LPAR1: variants seen among roughly 807,000 people sequenced by gnomAD.
The protein encoded by LPAR1 is LPA receptor 1.
A neutral mutation model predicts 23.8 loss-of-function variants in LPAR1; 5 were observed. The observed-to-expected ratio is 0.21, with a 90% CI of 0.11 to 0.44. LPAR1 has a LOEUF of 0.44. Ranked by LOEUF, LPAR1 falls within the 20% of genes least tolerant of loss-of-function variation. LPAR1 has a pLI of 0.99. For missense variants in LPAR1, 311 were observed against 482.8 expected (o/e 0.64, Z 3.33); for synonymous variants, 160 against 164.7 (o/e 0.97, Z 0.22).
chr9:111,012,957 A>T (rs1431994910), intron 2 of LPAR1, among the ~76,000 whole-genome samples: 1 of 152,122 alleles, frequency 6.6e-6, no homozygotes, highest in South Asian at 2.1e-4. Flanking sequence ...TTAAAATTTT[A>T]ATTTTCAAAT....
At chr9:110,888,195 C>G (rs978635530) in intron 5 of LPAR1, among the ~76,000 whole-genome samples, 3 of 152,134 alleles carry the variant, frequency 2.0e-5, no homozygotes, top group Admixed American at 2.0e-4. Context: ...AATGTTTTGA[C>G]ATAGAGTCAA....
intron 5 of LPAR1, among the ~76,000 whole-genome samples, chr9:110,882,225 C>T (rs1327905288): frequency 6.6e-6 from 1 of 152,110 alleles, no homozygotes; most frequent in African/African-American, 2.4e-5. Flanking sequence ...ATTGTTTTAT[C>T]TTCCCTCAAC....
At chr9:111,002,409 C>T (rs891925241) in intron 2 of LPAR1, among the ~76,000 whole-genome samples, 24 of 152,128 alleles carry the variant, frequency 1.6e-4, no homozygotes, top group African/African-American at 4.6e-4. Context: ...CAGTAAATCA[C>T]GGTAATATGT....
At chr9:110,920,205 T>C (rs1471692764) in intron 5 of LPAR1, among the ~76,000 whole-genome samples, 1 of 152,168 alleles carries the variant, frequency 6.6e-6, no homozygotes, top group African/African-American at 2.4e-5. Flanking sequence ...AGCTCTAGCA[T>C]GGGTGGAAGG....
intron 4 of LPAR1, among the ~76,000 whole-genome samples, chr9:110,959,010 T>C (rs1386668170): frequency 6.9e-6 from 1 of 144,528 alleles, no homozygotes; most frequent in East Asian, 2.1e-4. Context: ...AAAACCACAA[T>C]AAGATATCAT....
intron 2 of LPAR1, among the ~76,000 whole-genome samples, chr9:111,010,943 G>T (rs2097319887): frequency 6.6e-6 from 1 of 152,176 alleles, no homozygotes; most frequent in South Asian, 2.1e-4. Context: ...TTGAAAAAGT[G>T]ATTCTGCAGT....
chr9:111,017,444 AT>A (rs1431238915), intron 2 of LPAR1, among the ~76,000 whole-genome samples: 1 of 152,168 alleles, frequency 6.6e-6, no homozygotes, highest in African/African-American at 2.4e-5. Context: ...AATGGGTGAA[AT>A]TGCAAATCTA....
intron 2 of LPAR1, among the ~76,000 whole-genome samples, chr9:111,029,806 T>C (rs2097764378): frequency 6.6e-6 from 1 of 151,926 alleles, no homozygotes. Flanking sequence ...AACCCAGCAC[T>C]TTGAGAGGCC....
At chr9:110,991,873 G>A (rs903478749) in intron 2 of LPAR1, among the ~76,000 whole-genome samples, 5 of 152,024 alleles carry the variant, frequency 3.3e-5, no homozygotes, top group South Asian at 2.1e-4. Context: ...GATTACAGGC[G>A]TGAGCCACCA....
intron 2 of LPAR1, among the ~76,000 whole-genome samples, chr9:110,978,795 G>A (rs181909043): frequency 5.3e-5 from 8 of 152,248 alleles, no homozygotes; most frequent in Admixed American, 3.9e-4. Context: ...TAGTAACATC[G>A]AGAAGAATAT....
intron 5 of LPAR1, among the ~76,000 whole-genome samples, chr9:110,877,959 C>T (rs1588096262): frequency 1.3e-5 from 2 of 152,170 alleles, no homozygotes; most frequent in Admixed American, 1.3e-4. Context: ...TAAGATCTTT[C>T]CAGAAAGAGC....
chr9:111,013,591 A>G (rs1019989117), intron 2 of LPAR1, among the ~76,000 whole-genome samples: 1 of 152,198 alleles, frequency 6.6e-6, no homozygotes, highest in Non-Finnish European at 1.5e-5. Context: ...AGAGGCTATA[A>G]CCTGTCAAAC....
chr9:110,934,342 T>C (rs1281761154), intron 5 of LPAR1: 3 of 152,082 alleles, frequency 2.0e-5, no homozygotes, highest in Non-Finnish European at 4.4e-5. Flanking sequence ...GGATCCTTTA[T>C]ACACTCGCCA....
At chr9:110,903,570 T>C (rs1029457850) in intron 5 of LPAR1, 4 of 151,762 alleles carry the variant, frequency 2.6e-5, no homozygotes, top group Non-Finnish European at 5.9e-5. Context: ...TGAGAACAGA[T>C]CAACAGAATT....
intron 4 of LPAR1, among the ~76,000 whole-genome samples, chr9:110,957,348 AAAAATAAT>A: frequency 7.0e-6 from 1 of 143,512 alleles, no homozygotes; most frequent in East Asian, 2.7e-4. Flanking sequence ...TCAAAAAAAA[AAAAATAAT>A]AATAATAATA....
intron 2 of LPAR1, among the ~76,000 whole-genome samples, chr9:111,005,007 A>G (rs2097188065): frequency 6.6e-6 from 1 of 152,012 alleles, no homozygotes; most frequent in Non-Finnish European, 1.5e-5. Flanking sequence ...CAAAAAACAA[A>G]CAAACATAGC....
At chr9:110,944,790 G>A (rs893783165) in intron 4 of LPAR1, among the ~76,000 whole-genome samples, 1 of 152,162 alleles carries the variant, frequency 6.6e-6, no homozygotes, top group Non-Finnish European at 1.5e-5. Flanking sequence ...ACAATTGACT[G>A]TAATACCATA....
At chr9:110,956,664 A>C (rs991576909) in intron 4 of LPAR1, among the ~76,000 whole-genome samples, 1 of 152,142 alleles carries the variant, frequency 6.6e-6, no homozygotes, top group East Asian at 1.9e-4. Context: ...ATAAACAACT[A>C]TACGCTAGCA....
intron 2 of LPAR1, among the ~76,000 whole-genome samples, chr9:110,988,338 T>C (rs985325103): frequency 6.6e-6 from 1 of 151,888 alleles, no homozygotes; most frequent in African/African-American, 2.4e-5. Context: ...TGGATAAATA[T>C]AAAAACCATT....
Sources: allele counts gnomAD v4.1 joint callset (sites outside exome capture counted in the v4.1 genomes callset), GRCh38; gene constraint gnomAD v4.1.1; transcripts MANE v1.5; gene names NCBI Gene and HGNC (gene_info 2026-07-23, HGNC 2026-07-21).